OSBPL10: variants seen among roughly 807,000 people sequenced by gnomAD.
OSBPL10 encodes the protein oxysterol-binding protein-related protein 10.
Under a neutral mutation model 81.7 loss-of-function variants are expected in OSBPL10, and 49 were observed. The observed-to-expected ratio is 0.60, with a 90% CI of 0.48 to 0.76. The LOEUF is 0.76. OSBPL10 is among the 30% of genes least tolerant of loss of function. The pLI, the probability that OSBPL10 is intolerant of heterozygous loss-of-function variation, is 0.00. For missense variants in OSBPL10, 923 were observed against 987.8 expected, an observed-to-expected ratio of 0.93 and a Z score of 0.88; for synonymous variants, 419 against 383.6, an observed-to-expected ratio of 1.09 and a Z score of -1.08.
At chr3:31,941,412 T>A (rs1014982116) in intron 1 of OSBPL10, among the ~76,000 whole-genome samples, 3 of 152,222 alleles carry the variant, frequency 2.0e-5, no homozygotes, top group Non-Finnish European at 2.9e-5. Context: ...AAGTGGTCAC[T>A]TTTTCAGTTG....
At chr3:31,882,216 C>T (rs1470769470) in intron 1 of OSBPL10, among the ~76,000 whole-genome samples, 4 of 152,190 alleles carry the variant, frequency 2.6e-5, no homozygotes, top group African/African-American at 7.2e-5. Context: ...AAATCGTCCA[C>T]TTTGAATTAT....
chr3:31,848,416 C>G (rs1400252762), intron 3 of OSBPL10, among the ~76,000 whole-genome samples: 1 of 151,980 alleles, frequency 6.6e-6, no homozygotes, highest in African/African-American at 2.4e-5. Context: ...AGTCTCATCT[C>G]AAACATGAAG....
chr3:31,705,712 C>T (rs1696042331), intron 6 of OSBPL10, among the ~76,000 whole-genome samples: 1 of 152,218 alleles, frequency 6.6e-6, no homozygotes, highest in South Asian at 2.1e-4. Flanking sequence ...CACATCCACA[C>T]TCCCCTTCTC....
intron 1 of OSBPL10, among the ~76,000 whole-genome samples, chr3:31,952,203 A>G (rs1221509654): frequency 1.3e-5 from 2 of 151,704 alleles, no homozygotes; most frequent in Non-Finnish European, 2.9e-5. Flanking sequence ...GCAAAGTGGA[A>G]AGCCATGCCT....
chr3:32,055,414 G>A (rs1365843997), intron 1 of OSBPL10, among the ~76,000 whole-genome samples: 1 of 151,618 alleles, frequency 6.6e-6, no homozygotes, highest in Non-Finnish European at 1.5e-5. Context: ...ATGTTGGCCA[G>A]GCTGGTCTCC....
intron 4 of OSBPL10, among the ~76,000 whole-genome samples, chr3:31,787,521 G>C (rs926660233): frequency 7.9e-5 from 12 of 151,982 alleles, no homozygotes; most frequent in African/African-American, 2.9e-4. Context: ...CTTGAACCCG[G>C]GAGCTGGAGG....
At chr3:32,013,108 C>T (rs1699276223) in intron 2 of OSBPL10, among the ~76,000 whole-genome samples, 1 of 152,226 alleles carries the variant, frequency 6.6e-6, no homozygotes, top group Non-Finnish European at 1.5e-5. Context: ...TAGACATCTA[C>T]AGAACTCTCC....
At chr3:31,786,477 G>T (rs1382988088) in intron 4 of OSBPL10, among the ~76,000 whole-genome samples, 1 of 152,084 alleles carries the variant, frequency 6.6e-6, no homozygotes, top group Non-Finnish European at 1.5e-5. Context: ...CAAGATCAAG[G>T]TGCCTGTAGG....
At chr3:31,731,488 C>CTTTTT (rs202094117) in intron 6 of OSBPL10, among the ~76,000 whole-genome samples, 8 of 142,304 alleles carry the variant, frequency 5.6e-5, no homozygotes, top group Non-Finnish European at 7.7e-5. Flanking sequence ...TTATTTCTTT[C>CTTTTT]TTTTTTTTTT....
At chr3:31,875,082 T>A (rs1406120628) in intron 3 of OSBPL10, among the ~76,000 whole-genome samples, 70 of 102,958 alleles carry the variant, frequency 6.8e-4, no homozygotes, top group African/African-American at 8.4e-4. Flanking sequence ...ATATATTAAG[T>A]AAAAAAAAAA....
chr3:31,993,671 T>TACACACAC (rs1286675523), intron 2 of OSBPL10, among the ~76,000 whole-genome samples: 1 of 126,720 alleles, frequency 7.9e-6, no homozygotes, highest in African/African-American at 4.2e-5. Flanking sequence ...TTAACATGAC[T>TACACACAC]ACACACACAT....
intron 1 of OSBPL10, among the ~76,000 whole-genome samples, chr3:32,067,352 C>A (rs767424866): frequency 8.5e-5 from 13 of 152,074 alleles, no homozygotes; most frequent in Non-Finnish European, 1.8e-4. Flanking sequence ...TGTGGAGGGT[C>A]GTGTTCTCTC....
At chr3:31,783,114 TATA>T (rs1559462857) in intron 4 of OSBPL10, among the ~76,000 whole-genome samples, 137 of 20,210 alleles carry the variant, frequency 6.8e-3, no homozygotes, top group South Asian at 9.9e-3. Context: ...ATATCTATTA[TATA>T]TATATATATA....
intron 2 of OSBPL10, among the ~76,000 whole-genome samples, chr3:32,043,184 C>T (rs1184196198): frequency 1.3e-5 from 2 of 152,062 alleles, no homozygotes; most frequent in Non-Finnish European, 2.9e-5. Flanking sequence ...CATTCCTTCC[C>T]CAGGGTATTA....
chr3:31,871,177 T>C (rs1282993182), intron 3 of OSBPL10, among the ~76,000 whole-genome samples: 1 of 152,204 alleles, frequency 6.6e-6, no homozygotes, highest in Non-Finnish European at 1.5e-5. Context: ...TAAATCTTGC[T>C]ACTGCTCACT....
At chr3:32,007,261 T>C (rs369697898) in intron 2 of OSBPL10, among the ~76,000 whole-genome samples, 2 of 152,360 alleles carry the variant, frequency 1.3e-5, no homozygotes, top group East Asian at 3.9e-4. Context: ...GGTAAAGTTA[T>C]ATTTATTTTA....
At chr3:31,791,049 G>T (rs1249587554) in intron 4 of OSBPL10, among the ~76,000 whole-genome samples, 1 of 151,970 alleles carries the variant, frequency 6.6e-6, no homozygotes, top group Non-Finnish European at 1.5e-5. Context: ...GAGAAGGTTT[G>T]ATTCTGGTCC....
chr3:32,020,019 G>T (rs928738152), intron 2 of OSBPL10, among the ~76,000 whole-genome samples: 4 of 152,330 alleles, frequency 2.6e-5, no homozygotes, highest in African/African-American at 9.6e-5. Flanking sequence ...CTCTGTAGAA[G>T]CCGAGTCAAT....
At chr3:31,787,165 G>A (rs1387237487) in intron 4 of OSBPL10, among the ~76,000 whole-genome samples, 1 of 152,142 alleles carries the variant, frequency 6.6e-6, no homozygotes, top group African/African-American at 2.4e-5. Context: ...ACTACTTCTC[G>A]AAGGATACAC....
Sources: allele counts gnomAD v4.1 joint callset (sites outside exome capture counted in the v4.1 genomes callset), GRCh38; gene constraint gnomAD v4.1.1; transcripts MANE v1.5; gene names NCBI Gene and HGNC (gene_info 2026-07-23, HGNC 2026-07-21).